Variants in RAPGEF2 observed in about 807,000 individuals in gnomAD.
RAPGEF2 encodes Rap guanine nucleotide exchange factor 2, also known as PDZ domain containing guanine nucleotide exchange factor (GEF) 1.
Under a neutral mutation model 186.7 loss-of-function variants are expected in RAPGEF2, and 54 were observed. The ratio of observed to expected loss-of-function variants is 0.29; its 90% CI spans 0.23 to 0.36. The LOEUF is 0.36. RAPGEF2 is among the 10% of genes least tolerant of loss of function. RAPGEF2 has a pLI of 1.00. For missense variants in RAPGEF2, 1,532 were observed against 2,045.0 expected (o/e 0.75, Z 4.84); for synonymous variants, 712 against 705.9 (o/e 1.01, Z -0.14).
Position 159,353,034 on chromosome 4 carries a change from C to G in RAPGEF2, c.4091+124C>G, listed in dbSNP as rs1353701542. The G allele has an allele frequency of 1.1e-6, 1 of 912,890 alleles. No homozygotes were observed. Among genetic ancestry groups the G allele is most frequent in the East Asian group, 2.7e-5 (1 of 37,514 alleles). 56.5% of individuals were successfully genotyped at this position (912,890 alleles called of 1,614,324 possible). ...AATGCCTAAGAATTTTTCTGCCATC[C>G]CAGTTCTGATTTTCACAATTTCTAC... On this transcript the variant is annotated intron_variant, in intron 27 of 29. Transcript: ENST00000691494. The surrounding 1 kb of genome is among the most constrained non-coding windows in gnomAD (Gnocchi z 4.3).
chr4:159,139,659 G>A (rs1742101146), intron 1 of RAPGEF2, among the ~76,000 whole-genome samples: 1 of 151,996 alleles, frequency 6.6e-6, no homozygotes, highest in South Asian at 2.1e-4. Context: ...TTATTACGGG[G>A]ATATTAAGCT....
At chr4:159,290,056 T>G (rs1760994114) in intron 7 of RAPGEF2, among the ~76,000 whole-genome samples, 2 of 152,060 alleles carry the variant, frequency 1.3e-5, no homozygotes, top group Admixed American at 6.6e-5. Flanking sequence ...GGATCAGGTG[T>G]GTATTTTCCT....
chr4:159,250,782 G>T (rs150384490), intron 7 of RAPGEF2, among the ~76,000 whole-genome samples: 1 of 150,254 alleles, frequency 6.7e-6, no homozygotes, highest in African/African-American at 2.5e-5. Flanking sequence ...AGCAGCCCTC[G>T]CTTGCTCTCG....
Position 159,338,407 on chromosome 4 carries a change from A to T in RAPGEF2, c.2232A>T (p.Ser744=). The T allele has an allele frequency of 6.2e-7, 1 of 1,614,184 alleles. No homozygotes were observed. The highest frequency in any genetic ancestry group is 8.5e-7 in the Non-Finnish European group (1 of 1,179,994). ...PTALPVSGTL[S]SSNPDLLQSH... is the part of the protein sequence containing the mutation. Reference sequence around the variant, plus strand: ...CATTGCCTGTCAGTGGAACCTTATCATCCAGTAATCCTGATTTATTGCAGT... The same window carrying T: ...CATTGCCTGTCAGTGGAACCTTATCTTCCAGTAATCCTGATTTATTGCAGT... Residue 744 remains serine, a synonymous_variant, in exon 18 of 30, where the codon TCA becomes TCT. Transcript: ENST00000691494.
intron 1 of RAPGEF2, among the ~76,000 whole-genome samples, chr4:159,150,482 C>G (rs1283776687): frequency 6.6e-6 from 1 of 152,116 alleles, no homozygotes; most frequent in East Asian, 1.9e-4. Flanking sequence ...TTAGGGAACA[C>G]AAGACAGCAC....
intron 25 of RAPGEF2, among the ~76,000 whole-genome samples, chr4:159,347,266 T>A (rs1394754932): frequency 2.6e-5 from 4 of 152,196 alleles, no homozygotes; most frequent in African/African-American, 9.6e-5. Context: ...TAATTTAATT[T>A]TTGCTAAGCG....
At chr4:159,114,879 G>A (rs1030680901) in intron 1 of RAPGEF2, among the ~76,000 whole-genome samples, 3 of 152,134 alleles carry the variant, frequency 2.0e-5, no homozygotes, top group Non-Finnish European at 4.4e-5. Context: ...TGGCAAGGGT[G>A]TGTTTAAAAA....
intron 7 of RAPGEF2, among the ~76,000 whole-genome samples, chr4:159,274,178 T>G (rs969209217): frequency 6.6e-6 from 1 of 152,228 alleles, no homozygotes; most frequent in Non-Finnish European, 1.5e-5. Flanking sequence ...AGAGTAATGC[T>G]TAAGTTTTCT....
intron 1 of RAPGEF2, among the ~76,000 whole-genome samples, chr4:159,111,419 A>G (rs1738482992): frequency 6.6e-6 from 1 of 152,196 alleles, no homozygotes; most frequent in Non-Finnish European, 1.5e-5. Flanking sequence ...AGTGAATAAA[A>G]ATGTACATTT....
chr4:159,117,515 G>A (rs190983992), intron 1 of RAPGEF2, among the ~76,000 whole-genome samples: 1 of 151,840 alleles, frequency 6.6e-6, no homozygotes, highest in Admixed American at 6.6e-5. Flanking sequence ...CTCTGTGGGA[G>A]GCAACATGCT....
At chr4:159,309,780 G>C (rs1763740536) in intron 8 of RAPGEF2, among the ~76,000 whole-genome samples, 1 of 152,144 alleles carries the variant, frequency 6.6e-6, no homozygotes, top group South Asian at 2.1e-4. Context: ...GTACAAAATA[G>C]ATAGATCAAT....
intron 4 of RAPGEF2, among the ~76,000 whole-genome samples, chr4:159,219,517 G>A (rs6536399): frequency 0.3 from 44,911 of 151,526 alleles, 7,096 homozygotes; most frequent in Non-Finnish European, 0.36. Context: ...CACCACGTCC[G>A]GATAATTTTT....
intron 3 of RAPGEF2, among the ~76,000 whole-genome samples, chr4:159,202,391 G>C (rs939496043): frequency 1.3e-5 from 2 of 152,014 alleles, no homozygotes; most frequent in African/African-American, 4.8e-5. Flanking sequence ...TTTTGCATGG[G>C]CACCATTCTT....
chr4:159,228,529 T>C (rs1275256574), intron 4 of RAPGEF2, among the ~76,000 whole-genome samples: 1 of 152,206 alleles, frequency 6.6e-6, no homozygotes, highest in African/African-American at 2.4e-5. Flanking sequence ...TAAGCAGAGA[T>C]GAAATGTTGA....
At chr4:159,202,031 C>G (rs1749470698) in intron 3 of RAPGEF2, among the ~76,000 whole-genome samples, 1 of 152,152 alleles carries the variant, frequency 6.6e-6, no homozygotes, top group Non-Finnish European at 1.5e-5. Context: ...TAAAATAGCA[C>G]CAAAATTGGT....
chr4:159,234,979 C>G (rs757893512), intron 4 of RAPGEF2, among the ~76,000 whole-genome samples: 1 of 152,102 alleles, frequency 6.6e-6, no homozygotes, highest in Non-Finnish European at 1.5e-5. Flanking sequence ...AGGCTGGTCT[C>G]GAACTCCTAA....
chr4:159,116,860 A>G (rs1023540477), intron 1 of RAPGEF2, among the ~76,000 whole-genome samples: 2 of 152,136 alleles, frequency 1.3e-5, no homozygotes, highest in Admixed American at 1.3e-4. Context: ...ATGAGAACAC[A>G]TGGACACTGG....
intron 1 of RAPGEF2, among the ~76,000 whole-genome samples, chr4:159,157,561 G>T (rs1011862215): frequency 1.3e-5 from 2 of 152,120 alleles, no homozygotes; most frequent in African/African-American, 4.8e-5. Flanking sequence ...AGCCAAAATG[G>T]ATAAGAATGG....
chr4:159,170,804 A>C (rs1169477110), intron 1 of RAPGEF2, among the ~76,000 whole-genome samples: 1 of 152,160 alleles, frequency 6.6e-6, no homozygotes, highest in African/African-American at 2.4e-5. Flanking sequence ...GGAACTTTTC[A>C]GATGTTTTCT....
Sources: allele counts gnomAD v4.1 joint callset (sites outside exome capture counted in the v4.1 genomes callset), GRCh38; gene constraint gnomAD v4.1.1; non-coding constraint Gnocchi (gnomAD v3.1); transcripts MANE v1.5; gene names NCBI Gene and HGNC (gene_info 2026-07-23, HGNC 2026-07-21).